Variants in NDUFA5 observed in about 807,000 individuals in gnomAD.
The protein encoded by NDUFA5 is NADH:ubiquinone oxidoreductase subunit A5.
A neutral mutation model predicts 19.8 loss-of-function variants in NDUFA5; 11 were observed. The observed-to-expected ratio is 0.56, with a 90% CI of 0.35 to 0.92. The LOEUF is 0.92. NDUFA5 is among the 40% of genes least tolerant of loss of function. NDUFA5 has a pLI of 0.01. For synonymous variants in NDUFA5, 47 were observed against 46.8 expected (o/e 1.00, Z -0.01); for missense variants, 109 against 134.2 (o/e 0.81, Z 0.93).
intron 3 of NDUFA5, among the ~76,000 whole-genome samples, chr7:123,548,616 T>C (rs751966977): frequency 1.7e-4 from 26 of 152,294 alleles, no homozygotes; most frequent in Middle Eastern, 6.8e-3. Flanking sequence ...TGCTTAAGTA[T>C]AGAGTATAAA....
In NDUFA5 at chr7:123,539,610, G is replaced by A. The variant is rs1215688496; in HGVS notation, c.*2509C>T. ...TCTGAATAAAAGAATCATTTGCAAAGTGATCAGGAGACTTAACCTGGATGT... is the reference window on the plus strand; with the variant it reads ...TCTGAATAAAAGAATCATTTGCAAAATGATCAGGAGACTTAACCTGGATGT... On this transcript the variant is annotated 3_prime_UTR_variant, in exon 5 of 5. Coordinates refer to ENST00000355749, the MANE Select transcript of NDUFA5 (RefSeq NM_005000.5). 6.6e-6 allele frequency: 1 copy of A among 152,188 alleles called. No homozygotes were observed. Among genetic ancestry groups the A allele is most frequent in the Non-Finnish European group, 1.5e-5 (1 of 68,028 alleles). The allele number at this position is 152,188 out of a possible 1,614,324, so 9.4% of individuals were successfully genotyped here.
the NDUFA5 span, among the ~76,000 whole-genome samples, chr7:123,564,131 T>C: frequency 6.6e-6 from 1 of 152,202 alleles, no homozygotes; most frequent in Non-Finnish European, 1.5e-5. Flanking sequence ...AAGGAACTTT[T>C]GTAAATCAAT....
At chr7:123,600,520 AAATT>A in the NDUFA5 span, among the ~76,000 whole-genome samples, 1 of 152,208 alleles carries the variant, frequency 6.6e-6, no homozygotes, top group Admixed American at 6.5e-5. Flanking sequence ...AAGTTGTATA[AAATT>A]AAAGTGTTTC....
At chr7:123,578,474 T>C in the NDUFA5 span, among the ~76,000 whole-genome samples, 1 of 152,016 alleles carries the variant, frequency 6.6e-6, no homozygotes, top group Non-Finnish European at 1.5e-5. Context: ...TGGAACTTTG[T>C]TTCCTCTATA....
upstream of NDUFA5, among the ~76,000 whole-genome samples, chr7:123,561,457 T>C (rs1798686686): frequency 6.6e-6 from 1 of 152,232 alleles, no homozygotes; most frequent in South Asian, 2.1e-4. Context: ...CAAGCTCTAC[T>C]TCTAATTCTG....
the NDUFA5 span, among the ~76,000 whole-genome samples, chr7:123,566,158 A>G: frequency 6.6e-6 from 1 of 152,342 alleles, no homozygotes; most frequent in East Asian, 1.9e-4. Flanking sequence ...ATTTGGACAT[A>G]GAAACACACA....
chr7:123,595,330 A>G, the NDUFA5 span, among the ~76,000 whole-genome samples: 1 of 152,176 alleles, frequency 6.6e-6, no homozygotes, highest in Non-Finnish European at 1.5e-5. Context: ...GATCCCTTCA[A>G]CATGGCACAT....
chr7:123,540,751 T>C lies in NDUFA5; in HGVS notation c.*1368A>G, dbSNP rs1311789976. 6.6e-6 allele frequency: 1 copy of C among 152,174 alleles called. No individual in the cohort carries two copies. Among genetic ancestry groups the C allele is most frequent in the Non-Finnish European group, 1.5e-5 (1 of 68,066 alleles). 9.4% of individuals were successfully genotyped at this position (152,174 alleles called of 1,614,324 possible). A position where few individuals can be genotyped will look rare whatever the true frequency, so the allele number is the denominator to read the frequency against. On this transcript the variant is annotated 3_prime_UTR_variant, in exon 5 of 5. Coordinates refer to ENST00000355749, the MANE Select transcript of NDUFA5 (RefSeq NM_005000.5). The stretch of plus-strand genomic sequence containing the variant: ...ACTTCCCCACCAGAAGGAGCCTTCT[T>C]GCACTCTAACCTCTAAGAATCCACC...
chr7:123,577,616 G>A, the NDUFA5 span, among the ~76,000 whole-genome samples: 2 of 151,996 alleles, frequency 1.3e-5, no homozygotes, highest in Non-Finnish European at 1.5e-5. Flanking sequence ...CCAAAATGTG[G>A]TCCTCTTAGA....
At chr7:123,566,468 C>T in the NDUFA5 span, among the ~76,000 whole-genome samples, 1 of 152,116 alleles carries the variant, frequency 6.6e-6, no homozygotes, top group South Asian at 2.1e-4. Flanking sequence ...AATATGCTCC[C>T]CTCTTCCTTA....
chr7:123,578,886 T>C, the NDUFA5 span, among the ~76,000 whole-genome samples: 4 of 152,128 alleles, frequency 2.6e-5, no homozygotes, highest in African/African-American at 9.7e-5. Context: ...CCTATGACAA[T>C]GTAATTTACA....
chr7:123,578,724 G>A, the NDUFA5 span, among the ~76,000 whole-genome samples: 4 of 152,056 alleles, frequency 2.6e-5, no homozygotes, highest in Non-Finnish European at 5.9e-5. Flanking sequence ...TGAATGCACG[G>A]TTAGAATTTT....
At chr7:123,588,014 G>T in the NDUFA5 span, among the ~76,000 whole-genome samples, 1 of 151,638 alleles carries the variant, frequency 6.6e-6, no homozygotes, top group East Asian at 1.9e-4. Context: ...TGGTGTCCTT[G>T]TCTGGCTTTG....
chr7:123,564,719 G>A, the NDUFA5 span, among the ~76,000 whole-genome samples: 2 of 151,804 alleles, frequency 1.3e-5, no homozygotes, highest in East Asian at 3.9e-4. Context: ...TAGGTTTATT[G>A]GGACGTAACA....
intron 2 of NDUFA5, 68 bp from the exon 3 acceptor site, chr7:123,550,654 C>A: frequency 2.2e-6 from 2 of 899,890 alleles, no homozygotes; most frequent in Non-Finnish European, 3.4e-6. Flanking sequence ...GAACACTTGT[C>A]TCAAAGACAA....
chr7:123,596,763 G>T, the NDUFA5 span, among the ~76,000 whole-genome samples: 2 of 152,132 alleles, frequency 1.3e-5, no homozygotes, highest in South Asian at 4.1e-4. Context: ...TTAATTAAAT[G>T]TCATTACGCA....
rs767151371 is a variant in NDUFA5, at chr7:123,557,348, C to G, written c.66+56G>C. 6 of 1,610,250 alleles carry G rather than the reference C, an allele frequency of 3.7e-6. No individual in the cohort carries two copies. The Admixed American group carries it at 6.7e-5, about 18-fold the overall frequency. On this transcript the variant is annotated intron_variant, in intron 2 of 4. Coordinates refer to ENST00000355749, the MANE Select transcript of NDUFA5 (RefSeq NM_005000.5). ...GTTAACCCTGCAATAAGCAAAGTGA[C>G]AGGAATTTAGTCTTCCTTGGGAATT...
chr7:123,582,284 G>A, the NDUFA5 span, among the ~76,000 whole-genome samples: 5 of 151,848 alleles, frequency 3.3e-5, no homozygotes, highest in African/African-American at 1.2e-4. Context: ...GGGAGGGGGG[G>A]TTGCATTACA....
intron 3 of NDUFA5, among the ~76,000 whole-genome samples, chr7:123,547,640 C>A (rs555777009): frequency 3.5e-4 from 53 of 151,940 alleles, no homozygotes; most frequent in Admixed American, 2.6e-4. Flanking sequence ...ATATGAGAGA[C>A]CAAAAATCAA....
Sources: allele counts gnomAD v4.1 joint callset (sites outside exome capture counted in the v4.1 genomes callset), GRCh38; gene constraint gnomAD v4.1.1; transcripts MANE v1.5; gene names NCBI Gene and HGNC (gene_info 2026-07-23, HGNC 2026-07-21).